The following CNN1 variants were observed in gnomAD, a reference collection of about 807,000 sequenced individuals.
CNN1 encodes the protein calponin 1, also known as calponin-1.
A neutral mutation model predicts 35.3 loss-of-function variants in CNN1; 21 were observed. That is an observed-to-expected ratio of 0.60 (90% CI 0.42 to 0.86). The LOEUF is 0.86. Among genes scored for constraint, CNN1 ranks in the 40% least tolerant of loss-of-function variants. The pLI, the probability that CNN1 is intolerant of heterozygous loss-of-function variation, is 0.00. For synonymous variants in CNN1, 164 were observed against 161.8 expected (o/e 1.01, Z -0.10); for missense variants, 314 against 400.8 (o/e 0.78, Z 1.85).
At chr19:11,540,174 G>A (rs1355114591) in intron 1 of CNN1, 2 of 534,544 alleles carry the variant, frequency 3.7e-6, no homozygotes, top group Non-Finnish European at 4.8e-6. Flanking sequence ...TGGAGAGAGG[G>A]AAAAGCAGGG....
Position 11,549,965 on chromosome 19 carries a change from T to TG in CNN1, c.*176dup, listed in dbSNP as rs1332420630. On this transcript the variant is annotated 3_prime_UTR_variant, in exon 7 of 7. Coordinates refer to ENST00000252456, the MANE Select transcript of CNN1 (RefSeq NM_001299.6). This position sits in a 1 kb window ranked among gnomAD's most constrained non-coding sequence, Gnocchi z 5.2. ...GAGAGCAGACTGGCGGGGGGCCCAT[T>TG]GGGGGGAAGGGGACCCTCCGCTCTG... The TG allele has an allele frequency of 2.0e-6, 2 of 1,025,232 alleles. No homozygotes were observed. Among genetic ancestry groups the TG allele is most frequent in the African/African-American group, 1.6e-5 (1 of 61,654 alleles). The allele number at this position is 1,025,232 out of a possible 1,614,324, so 63.5% of individuals were successfully genotyped here.
At chr19:11,548,246 A>G (rs1972635925) in intron 5 of CNN1, among the ~76,000 whole-genome samples, 1 of 152,138 alleles carries the variant, frequency 6.6e-6, no homozygotes, top group African/African-American at 2.4e-5. Flanking sequence ...CCAGTCTCGA[A>G]AGGATGCCTC....
chr19:11,548,272 G>A (rs11882099), intron 5 of CNN1, among the ~76,000 whole-genome samples: 8,599 of 152,240 alleles, frequency 0.056, 820 homozygotes, highest in African/African-American at 0.2. Flanking sequence ...GGGTGCAGTG[G>A]CTCACACCTG....
chr19:11,547,092 G>A, intron 4 of CNN1, 123 bp downstream of exon 4: 2 of 1,455,108 alleles, frequency 1.4e-6, no homozygotes, highest in Non-Finnish European at 1.9e-6. Context: ...CGGGGAGCAG[G>A]TGCTGTCAAC....
At position 11,549,546 on chromosome 19, in the gene CNN1, G is replaced by C; in HGVS notation, c.649-4G>C. Reference sequence around the variant, plus strand: ...CCACGGCCTGACCACACCACCCTTCGCAGGCTGGCATGACTGCGCCAGGGA... The same window carrying C: ...CCACGGCCTGACCACACCACCCTTCCCAGGCTGGCATGACTGCGCCAGGGA... On this transcript the variant is annotated splice_polypyrimidine_tract_variant and splice_region_variant and intron_variant, in intron 6 of 6. Transcript: ENST00000252456. This position sits in a 1 kb window ranked among gnomAD's most constrained non-coding sequence, Gnocchi z 5.2. The C allele has an allele frequency of 6.3e-7, 1 of 1,597,348 alleles. No individual in the cohort carries two copies. The highest frequency in any genetic ancestry group is 8.6e-7 in the Non-Finnish European group (1 of 1,168,008).
intron 2 of CNN1, among the ~76,000 whole-genome samples, chr19:11,545,790 C>G (rs1333892093): frequency 7.0e-6 from 1 of 142,636 alleles, no homozygotes; most frequent in Non-Finnish European, 1.5e-5. Context: ...GTGAAACCCC[C>G]TCTCTACCAA....
chr19:11,539,191 G>T (rs1351484830), intron 1 of CNN1: 88 of 1,229,312 alleles, frequency 7.2e-5, no homozygotes, highest in Non-Finnish European at 9.1e-5. Context: ...CTGGAATGGG[G>T]GGGCACACAG....
intron 1 of CNN1, chr19:11,539,937 G>A (rs1972421982): frequency 9.0e-7 from 1 of 1,112,922 alleles, no homozygotes; most frequent in South Asian, 1.9e-5. Context: ...AGGCGGCCTC[G>A]GGGAGCCCGG....
At position 11,546,970 on chromosome 19, in the gene CNN1, G is replaced by A; in HGVS notation, c.390+1G>A. ...CACCCTCCTGGCTTTGGCCAGCATG[G>A]TGAGTGTGGTTGCAGGCTGGGCAGG... On this transcript the variant is annotated splice_donor_variant, in intron 4 of 6. Transcript: ENST00000252456. LOFTEE classifies it high-confidence loss of function. The A allele has an allele frequency of 1.2e-6, 2 of 1,614,198 alleles. No homozygotes were observed. Among genetic ancestry groups the A allele is most frequent in the Non-Finnish European group, 8.5e-7 (1 of 1,180,018 alleles).
intron 5 of CNN1, 107 bp downstream of exon 5, chr19:11,548,014 G>A (rs754271551): frequency 5.5e-5 from 43 of 775,234 alleles, no homozygotes; most frequent in Middle Eastern, 2.9e-4. Context: ...ACTATAGGCC[G>A]GGTACTGTGC....
rs1425263388 is a variant in CNN1 at position 11,549,197 on chromosome 19, TAAATA to T, written c.502-112_502-108del. On this transcript the variant is annotated intron_variant, in intron 5 of 6. Transcript: ENST00000252456. The surrounding 1 kb of genome is among the most constrained non-coding windows in gnomAD (Gnocchi z 5.2). ...AGCAAGACTCCGTCTCAAAAAAAAA[TAAATA>T]AAATAAAATAAAAATTGAAAAAAAT... 35 of 923,496 alleles carry T rather than the reference TAAATA, an allele frequency of 3.8e-5. No individual in the cohort carries two copies. In the Admixed American group the frequency reaches 9.6e-4, roughly 25 times the overall value. The allele number at this position is 923,496 out of a possible 1,614,324, so 57.2% of individuals were successfully genotyped here.
chr19:11,549,922 A>G lies in CNN1; in HGVS notation c.*127A>G. On this transcript the variant is annotated 3_prime_UTR_variant, in exon 7 of 7. Coordinates refer to ENST00000252456, the MANE Select transcript of CNN1 (RefSeq NM_001299.6). The surrounding 1 kb of genome is among the most constrained non-coding windows in gnomAD (Gnocchi z 5.2). ...CCAGCCCCTGTAGAACTCAACCTCTACAGGGTTAGAGTTTGGAGAGAGCAG... is the reference window on the plus strand; with the variant it reads ...CCAGCCCCTGTAGAACTCAACCTCTGCAGGGTTAGAGTTTGGAGAGAGCAG... 2 of 1,345,206 alleles carry G rather than the reference A, an allele frequency of 1.5e-6. No individual in the cohort carries two copies. Among genetic ancestry groups the G allele is most frequent in the Non-Finnish European group, 1.0e-6 (1 of 983,066 alleles). 83.3% of individuals were successfully genotyped at this position (1,345,206 alleles called of 1,614,324 possible).
intron 4 of CNN1, among the ~76,000 whole-genome samples, 177 bp from the exon 5 acceptor site, chr19:11,547,620 G>C (rs1008176073): frequency 6.6e-6 from 1 of 152,144 alleles, no homozygotes; most frequent in Non-Finnish European, 1.5e-5. Context: ...GACTGATGCA[G>C]GAGAATGGTG....
At chr19:11,539,950 C>G in intron 1 of CNN1, 1 of 1,114,434 alleles carries the variant, frequency 9.0e-7, no homozygotes, top group African/African-American at 1.7e-5. Context: ...GAGCCCGGGC[C>G]ACGCTATATA....
intron 5 of CNN1, 129 bp downstream of exon 5, chr19:11,548,036 T>C: frequency 3.3e-6 from 2 of 598,648 alleles, no homozygotes; most frequent in Non-Finnish European, 5.6e-6. Context: ...TATGCTCATC[T>C]TCCATTCACA....
chr19:11,549,819 C>G lies in CNN1; in HGVS notation c.*24C>G. On this transcript the variant is annotated 3_prime_UTR_variant, in exon 7 of 7. Coordinates refer to ENST00000252456, the MANE Select transcript of CNN1 (RefSeq NM_001299.6). The surrounding 1 kb of genome is among the most constrained non-coding windows in gnomAD (Gnocchi z 5.2). ...AGGGCCACAAGGCCTTCCCTGTTTT[C>G]CCCCCAAGGGAGGCTGCTGCTGCTC... is the stretch of plus-strand genomic sequence containing the variant. The G allele has an allele frequency of 2.5e-6, 4 of 1,582,062 alleles. No homozygotes were observed. Among genetic ancestry groups the G allele is most frequent in the Non-Finnish European group, 2.6e-6 (3 of 1,159,406 alleles).
intron 2 of CNN1, 81 bp downstream of exon 2, chr19:11,541,278 C>T (rs934777614): frequency 1.1e-4 from 166 of 1,460,162 alleles, no homozygotes; most frequent in Non-Finnish European, 1.4e-4. Flanking sequence ...CAACCATGAT[C>T]CTGGAACTGA....
Position 11,549,474 on chromosome 19 carries a change from G to A in CNN1, c.648+5G>A. On this transcript the variant is annotated splice_donor_5th_base_variant and intron_variant, in intron 6 of 6. Transcript: ENST00000252456. This position sits in a 1 kb window ranked among gnomAD's most constrained non-coding sequence, Gnocchi z 5.2. ...ACCAACAAAGGAGCCAGCCAGGTGAGTGGGGGCCCCCGGGACACGCCGTCA... is the reference window on the plus strand; with the variant it reads ...ACCAACAAAGGAGCCAGCCAGGTGAATGGGGGCCCCCGGGACACGCCGTCA... 6.2e-7 allele frequency: 1 copy of A among 1,613,678 alleles called. No individual in the cohort carries two copies.
In CNN1 at chr19:11,549,608, A is replaced by T. The variant is rs1399851481; in HGVS notation, c.707A>T (p.Glu236Val). Residue 236 changes from glutamate (E) to valine (V), a missense_variant, in exon 7 of 7, where the codon GAG becomes GTG. Physicochemically the swap from Glu to Val is moderately radical, Grantham distance 121. Transcript: ENST00000252456. The surrounding 1 kb of genome is among the most constrained non-coding windows in gnomAD (Gnocchi z 5.2). ...RQIFEPGLGM[E>V]HCDTLNVSLQ... ...ATCTTCGAGCCGGGGCTGGGCATGG[A>T]GCACTGCGACACGCTCAATGTCAGC... 1.2e-6 allele frequency: 2 copies of T among 1,610,076 alleles called. No homozygotes were observed. The highest frequency in any genetic ancestry group is 2.2e-5 in the South Asian group (2 of 90,790).
Sources: gnomAD v4.1 joint callset for allele counts (sites outside exome capture counted in the v4.1 genomes callset) on GRCh38, gnomAD v4.1.1 for gene constraint, Gnocchi (gnomAD v3.1) non-coding constraint, MANE v1.5 for transcripts, NCBI Gene and HGNC (gene_info 2026-07-23, HGNC 2026-07-21) for gene names.